The following UNC13C variants were observed in gnomAD, a reference collection of about 807,000 sequenced individuals.
The protein encoded by UNC13C is unc-13 homolog C, also known as protein unc-13 homolog C.
Under a neutral mutation model 245.4 loss-of-function variants are expected in UNC13C, and 174 were observed. The observed-to-expected ratio is 0.71, with a 90% confidence interval of 0.63 to 0.80. The LOEUF is 0.80. UNC13C is among the 30% of genes least tolerant of loss of function. The probability of loss-of-function intolerance (pLI) is 0.00; values close to 1 mark genes in which losing one functional copy is unlikely to be tolerated. For missense variants in UNC13C, 2,829 were observed against 2,602.9 expected, an observed-to-expected ratio of 1.09 and a Z score of -1.89; for synonymous variants, 992 against 895.1, an observed-to-expected ratio of 1.11 and a Z score of -1.93.
At chr15:54,059,722 C>CA (rs1051675562) in intron 2 of UNC13C, among the ~76,000 whole-genome samples, 1 of 152,124 alleles carries the variant, frequency 6.6e-6, no homozygotes, top group Non-Finnish European at 1.5e-5. Context: ...AACTATACTG[C>CA]AAGGCTACAG....
chr15:53,841,859 A>G, the UNC13C span, among the ~76,000 whole-genome samples: 1 of 152,174 alleles, frequency 6.6e-6, no homozygotes, highest in East Asian at 1.9e-4. Flanking sequence ...TACTGTTGCC[A>G]TGGTGATGTT....
rs1310599502 is a variant in UNC13C at position 54,235,093 on chromosome 15, T to C, written c.3135T>C (p.Pro1045=). ...ATCTTCGCAGAAAAAAAACTTTGCC[T>C]ATTGTCCGAGATGTGGTAAGTTACA... ...MPDLRRKKTL[P]IVRDVAMTLA... is the part of the protein sequence containing the mutation. The change falls in exon 5 of 33, where the codon CCT becomes CCC. Residue 1045 remains proline (P), a synonymous_variant. Coordinates refer to ENST00000260323, the MANE Select transcript of UNC13C (RefSeq NM_001080534.3). 1 of 1,613,748 alleles carries C rather than the reference T, an allele frequency of 6.2e-7. No homozygotes were observed. The highest frequency in any genetic ancestry group is 1.3e-5 in the African/African-American group (1 of 74,918).
intron 22 of UNC13C, among the ~76,000 whole-genome samples, chr15:54,505,849 A>T (rs2141107616): frequency 6.6e-6 from 1 of 150,700 alleles, no homozygotes; most frequent in African/African-American, 2.4e-5. Context: ...TGACTTGCTA[A>T]CCATTGGCAT....
At chr15:54,132,074 C>CTTTTTTTTTTTTTTTTT (rs1555420957) in intron 2 of UNC13C, among the ~76,000 whole-genome samples, 3 of 110,644 alleles carry the variant, frequency 2.7e-5, no homozygotes, top group East Asian at 2.7e-4. Flanking sequence ...TTTTCTTTTT[C>CTTTTTTTTTTTTTTTTT]TTTTTTTTTT....
Position 54,135,801 on chromosome 15 carries a change from A to G in UNC13C, c.2984-7217A>G, listed in dbSNP as rs113837202. Among the ~76,000 whole-genome samples, 834 of 152,184 alleles carry G rather than the reference A, an allele frequency of 5.5e-3. 13 individuals carry two copies. Among genetic ancestry groups the G allele is most frequent in the African/African-American group, 0.019 (805 of 41,516 alleles). On this transcript the variant is annotated intron_variant, in intron 2 of 32. Coordinates refer to ENST00000260323, the MANE Select transcript of UNC13C (RefSeq NM_001080534.3). ...ATTCAGGGCTTTTTTATGATTCCAT[A>G]TAAGTTTTAGAATTTTTTTTCTATT...
chr15:54,187,989 T>TATATTTTTTG (rs1281515479), intron 4 of UNC13C, among the ~76,000 whole-genome samples: 6 of 152,080 alleles, frequency 3.9e-5, no homozygotes, highest in African/African-American at 1.4e-4. Flanking sequence ...GGATAATTTT[T>TATATTTTTTG]ATATTTTTTG....
At chr15:54,340,993 A>G (rs533902291) in intron 17 of UNC13C, among the ~76,000 whole-genome samples, 221 of 152,200 alleles carry the variant, frequency 1.5e-3, no homozygotes, top group Non-Finnish European at 2.4e-3. Context: ...GGGAATGCTT[A>G]TACACTGTTG....
intron 4 of UNC13C, among the ~76,000 whole-genome samples, chr15:54,213,089 C>A (rs942064165): frequency 3.9e-5 from 6 of 151,960 alleles, no homozygotes; most frequent in African/African-American, 1.4e-4. Context: ...GGACAATCTT[C>A]TAATTTCTAA....
intron 2 of UNC13C, among the ~76,000 whole-genome samples, chr15:54,084,678 A>T (rs956222694): frequency 5.3e-5 from 8 of 152,246 alleles, no homozygotes; most frequent in Non-Finnish European, 1.0e-4. Flanking sequence ...GAAAGTATAC[A>T]TAAAAACATG....
At chr15:54,051,367 G>A (rs973926242) in intron 2 of UNC13C, among the ~76,000 whole-genome samples, 1 of 152,036 alleles carries the variant, frequency 6.6e-6, no homozygotes, top group Admixed American at 6.6e-5. Flanking sequence ...TTTAAAAAGT[G>A]TACTTTTTTT....
chr15:54,611,886 T>C (rs190517138), intron 30 of UNC13C, among the ~76,000 whole-genome samples: 25 of 152,260 alleles, frequency 1.6e-4, no homozygotes, highest in African/African-American at 6.0e-4. Flanking sequence ...TCATCAGGCT[T>C]ACACACAATT....
At chr15:54,058,209 A>C (rs1168079423) in intron 2 of UNC13C, among the ~76,000 whole-genome samples, 1 of 152,078 alleles carries the variant, frequency 6.6e-6, no homozygotes, top group Non-Finnish European at 1.5e-5. Context: ...ACTGATAGAC[A>C]ACTAGCAAGA....
At position 54,445,799 on chromosome 15, in the gene UNC13C, G is replaced by A. The variant is rs112539854; in HGVS notation, c.4933+30732G>A. 3.6e-3 allele frequency among the ~76,000 whole-genome samples: 548 copies of A among 152,080 alleles called. 3 individuals are homozygous for A. Among genetic ancestry groups the A allele is most frequent in the African/African-American group, 0.013 (528 of 41,468 alleles). ...TATGCAGAAGCTCTTTAGTTTAATT[G>A]GATCCCATTTGTCAAGTTTGGCTTT... On this transcript the variant is annotated intron_variant, in intron 19 of 32. Coordinates refer to ENST00000260323, the MANE Select transcript of UNC13C (RefSeq NM_001080534.3).
At chr15:54,280,348 A>G (rs868418335) in intron 10 of UNC13C, among the ~76,000 whole-genome samples, 4 of 152,044 alleles carry the variant, frequency 2.6e-5, no homozygotes, top group Non-Finnish European at 4.4e-5. Flanking sequence ...GATATGTACA[A>G]TACGATCCCA....
intron 28 of UNC13C, among the ~76,000 whole-genome samples, chr15:54,553,456 A>G (rs146589501): frequency 0.036 from 4,898 of 136,314 alleles, 276 homozygotes; most frequent in African/African-American, 0.12. Flanking sequence ...ATAATATATA[A>G]TATATATTAC....
intron 2 of UNC13C, among the ~76,000 whole-genome samples, chr15:54,016,863 T>G (rs4776200): frequency 6.6e-6 from 1 of 151,950 alleles, no homozygotes; most frequent in Non-Finnish European, 1.5e-5. Context: ...TCATCATTAA[T>G]TAAGCTATTA....
At chr15:54,475,148 G>A (rs1218923358) in intron 19 of UNC13C, among the ~76,000 whole-genome samples, 2 of 151,702 alleles carry the variant, frequency 1.3e-5, no homozygotes, top group Non-Finnish European at 2.9e-5. Flanking sequence ...GTGCTTTTGA[G>A]GTCTTAGCCA....
intron 17 of UNC13C, among the ~76,000 whole-genome samples, chr15:54,378,719 C>G (rs147517344): frequency 2.4e-4 from 37 of 151,934 alleles, no homozygotes; most frequent in African/African-American, 8.7e-4. Context: ...GCTGAGACCA[C>G]AGTAAAAGTT....
At chr15:54,133,146 T>C (rs564658672) in intron 2 of UNC13C, among the ~76,000 whole-genome samples, 9 of 152,312 alleles carry the variant, frequency 5.9e-5, no homozygotes, top group East Asian at 1.9e-4. Flanking sequence ...AAAGATATCA[T>C]AGAATTTAGA....
Sources: gnomAD v4.1 joint callset for allele counts (sites outside exome capture counted in the v4.1 genomes callset) on GRCh38, gnomAD v4.1.1 for gene constraint, MANE v1.5 for transcripts, NCBI Gene and HGNC (gene_info 2026-07-23, HGNC 2026-07-21) for gene names.